The following MDGA2 variants were observed in gnomAD, a reference collection of about 807,000 sequenced individuals.
MDGA2 encodes MAM domain containing glycosylphosphatidylinositol anchor 2.
Under a neutral mutation model 117.8 loss-of-function variants are expected in MDGA2, and 40 were observed. That is an observed-to-expected ratio of 0.34 (90% CI 0.26 to 0.44). The LOEUF (loss-of-function observed/expected upper bound fraction) is 0.44, where lower values mean the gene tolerates loss of function less well. Ranked by LOEUF, MDGA2 falls within the 20% of genes least tolerant of loss-of-function variation. The probability of loss-of-function intolerance (pLI) is 1.00; values close to 1 mark genes in which losing one functional copy is unlikely to be tolerated. For missense variants in MDGA2, 1,123 were observed against 1,250.6 expected, an observed-to-expected ratio of 0.90 and a Z score of 1.54; for synonymous variants, 452 against 439.0, an observed-to-expected ratio of 1.03 and a Z score of -0.37.
chr14:47,654,862 T>C (rs922576722), intron 1 of MDGA2, among the ~76,000 whole-genome samples: 3 of 152,016 alleles, frequency 2.0e-5, no homozygotes, highest in Admixed American at 6.6e-5. Context: ...AGAGTGTGTA[T>C]ATGAATTGAT....
At chr14:46,861,572 T>C (rs1337376465) in intron 14 of MDGA2, among the ~76,000 whole-genome samples, 1 of 151,942 alleles carries the variant, frequency 6.6e-6, no homozygotes, top group Non-Finnish European at 1.5e-5. Flanking sequence ...AAACAAGGTG[T>C]ATTCAATTGT....
intron 1 of MDGA2, among the ~76,000 whole-genome samples, chr14:47,492,067 A>G (rs1894181254): frequency 6.6e-6 from 1 of 152,134 alleles, no homozygotes; most frequent in Non-Finnish European, 1.5e-5. Context: ...GAGAACATTT[A>G]TTCTCTTTGA....
chr14:47,020,373 C>T (rs1328029560), intron 8 of MDGA2, among the ~76,000 whole-genome samples: 1 of 152,012 alleles, frequency 6.6e-6, no homozygotes, highest in Non-Finnish European at 1.5e-5. Context: ...AATTTGGGAC[C>T]AAACATATTT....
chr14:47,246,469 T>C (rs1211505347), intron 2 of MDGA2, among the ~76,000 whole-genome samples: 3 of 151,636 alleles, frequency 2.0e-5, no homozygotes, highest in Non-Finnish European at 4.4e-5. Flanking sequence ...CTCAAAATGC[T>C]CGTGTATTAG....
chr14:47,027,219 G>C (rs1888505966), intron 8 of MDGA2, among the ~76,000 whole-genome samples: 1 of 151,936 alleles, frequency 6.6e-6, no homozygotes, highest in Admixed American at 6.6e-5. Flanking sequence ...TATGTGAAGG[G>C]TTTCAAGGGG....
At chr14:47,665,534 G>A (rs1401721375) in intron 1 of MDGA2, among the ~76,000 whole-genome samples, 1 of 152,174 alleles carries the variant, frequency 6.6e-6, no homozygotes, top group Non-Finnish European at 1.5e-5. Context: ...TGTGGAGGGA[G>A]CAGCATGAGT....
intron 9 of MDGA2, among the ~76,000 whole-genome samples, chr14:46,931,044 G>T (rs929923093): frequency 8.6e-5 from 13 of 151,636 alleles, no homozygotes; most frequent in African/African-American, 3.1e-4. Flanking sequence ...GTGAAACATC[G>T]TCTCTACTAA....
chr14:47,046,186 G>T lies in MDGA2; in HGVS notation c.1526-10882C>A, dbSNP rs1889259067. On this transcript the variant is annotated intron_variant, in intron 7 of 16. Coordinates refer to ENST00000399232, the MANE Select transcript of MDGA2 (RefSeq NM_001113498.3). ...ATAATAAAGTAAATAAAAGAAAGGGGGTATGATAAGATGCAAAACATCAAG... is the reference window on the plus strand; with the variant it reads ...ATAATAAAGTAAATAAAAGAAAGGGTGTATGATAAGATGCAAAACATCAAG... 2.0e-5 allele frequency among the ~76,000 whole-genome samples: 3 copies of T among 151,198 alleles called. No individual in the cohort carries two copies. In the South Asian group the frequency reaches 6.3e-4, roughly 32 times the overall value.
intron 8 of MDGA2, among the ~76,000 whole-genome samples, chr14:46,973,433 T>G (rs1959809): frequency 2.6e-5 from 4 of 152,020 alleles, no homozygotes; most frequent in Non-Finnish European, 2.9e-5. Context: ...AGCTTATACA[T>G]AAAGCTTGCA....
Position 47,312,600 on chromosome 14 carries a change from C to CTGAAAGGATCT in MDGA2, c.281-11061_281-11051dup, listed in dbSNP as rs1270899948. ...TCACCGTAACCTGTAACCTTCTGAG[C>CTGAAAGGATCT]TGAAAGGATCTTCCCATCTCAACCT... On this transcript the variant is annotated intron_variant, in intron 1 of 16. Transcript: ENST00000399232. Among the ~76,000 whole-genome samples the CTGAAAGGATCT allele has an allele frequency of 1.5e-4, 23 of 151,882 alleles. No homozygotes were observed. The East Asian group carries it at 4.5e-3, about 30-fold the overall frequency.
At chr14:47,635,832 G>A (rs1450509284) in intron 1 of MDGA2, among the ~76,000 whole-genome samples, 1 of 136,412 alleles carries the variant, frequency 7.3e-6, no homozygotes, top group Non-Finnish European at 1.6e-5. Context: ...TCCAGTGAGT[G>A]TAGGTTTAAT....
At chr14:47,558,001 G>T (rs1272709055) in intron 1 of MDGA2, among the ~76,000 whole-genome samples, 1 of 152,178 alleles carries the variant, frequency 6.6e-6, no homozygotes, top group East Asian at 1.9e-4. Flanking sequence ...ATATCAGTGT[G>T]AATAGTCTAC....
chr14:47,510,398 G>C (rs969983468), intron 1 of MDGA2, among the ~76,000 whole-genome samples: 2 of 152,180 alleles, frequency 1.3e-5, no homozygotes, highest in African/African-American at 4.8e-5. Context: ...GAACTAAAGA[G>C]AGTTCTCCTT....
At chr14:46,946,632 T>C (rs1885180142) in intron 9 of MDGA2, among the ~76,000 whole-genome samples, 1 of 152,116 alleles carries the variant, frequency 6.6e-6, no homozygotes, top group African/African-American at 2.4e-5. Flanking sequence ...AACAAACAGT[T>C]ACATAATTTC....
intron 1 of MDGA2, among the ~76,000 whole-genome samples, chr14:47,528,807 T>G (rs2416089): frequency 0.48 from 73,413 of 151,820 alleles, 17,967 homozygotes; most frequent in East Asian, 0.61. Context: ...GCATCTGATT[T>G]TGAAACTCAT....
rs1187960616 is a variant in MDGA2 at position 47,503,090 on chromosome 14, T to TTGAAGG, written c.280+171426_280+171427insCCTTCA. 3.9e-5 allele frequency among the ~76,000 whole-genome samples: 6 copies of TTGAAGG among 152,336 alleles called. No individual in the cohort carries two copies. The East Asian group carries it at 9.6e-4, about 24-fold the overall frequency. ...AACATTTAAAAATTCAAATTCATCC[T>TTGAAGG]TCAAAGTAGCACTTGGTTACCTGAT... On this transcript the variant is annotated intron_variant, in intron 1 of 16. Transcript: ENST00000399232.
intron 1 of MDGA2, among the ~76,000 whole-genome samples, chr14:47,656,116 T>C (rs569509418): frequency 6.6e-6 from 1 of 152,304 alleles, no homozygotes; most frequent in East Asian, 1.9e-4. Flanking sequence ...TAAGAGACCA[T>C]GGTGCCAAAA....
chr14:47,391,572 T>A (rs1891896203), intron 1 of MDGA2, among the ~76,000 whole-genome samples: 1 of 152,154 alleles, frequency 6.6e-6, no homozygotes, highest in Non-Finnish European at 1.5e-5. Flanking sequence ...TAAATTGTAT[T>A]TTTTCTTGTC....
intron 1 of MDGA2, among the ~76,000 whole-genome samples, chr14:47,346,743 T>A (rs1890771188): frequency 6.6e-6 from 1 of 152,218 alleles, no homozygotes; most frequent in African/African-American, 2.4e-5. Flanking sequence ...CCATTTATTG[T>A]GCCTGCCAGC....
Sources: allele counts gnomAD v4.1 joint callset (sites outside exome capture counted in the v4.1 genomes callset), GRCh38; gene constraint gnomAD v4.1.1; transcripts MANE v1.5; gene names NCBI Gene and HGNC (gene_info 2026-07-23, HGNC 2026-07-21).